Variants in TRPC5 observed in about 807,000 individuals in gnomAD.
TRPC5 encodes short transient receptor potential channel 5.
A neutral mutation model predicts 56.5 loss-of-function variants in TRPC5; 9 were observed. The ratio of observed to expected loss-of-function variants is 0.16; its 90% CI spans 0.10 to 0.28. The LOEUF is 0.28. Among genes scored for constraint, TRPC5 ranks in the 10% least tolerant of loss-of-function variants. The probability of loss-of-function intolerance (pLI) is 1.00; values close to 1 mark genes in which losing one functional copy is unlikely to be tolerated. For synonymous variants in TRPC5, 282 were observed against 278.5 expected (o/e 1.01, Z -0.13); for missense variants, 469 against 748.9 (o/e 0.63, Z 4.36).
intron 7 of TRPC5, among the ~76,000 whole-genome samples, chrX:111,803,348 C>T (rs1294288065): frequency 8.9e-6 from 1 of 112,507 alleles, no homozygotes; most frequent in African/African-American, 3.2e-5. Context: ...TAGCATGATT[C>T]ATAATCCTTT....
chrX:112,070,564 C>A (rs1254760703), intron 1 of TRPC5, among the ~76,000 whole-genome samples: 1 of 111,207 alleles, frequency 9.0e-6, no homozygotes, highest in South Asian at 3.8e-4. Flanking sequence ...ATATTTGCAT[C>A]CAACTCGATT....
At chrX:111,835,318 T>C (rs1237398174) in intron 6 of TRPC5, among the ~76,000 whole-genome samples, 1 of 112,483 alleles carries the variant, frequency 8.9e-6, no homozygotes, top group African/African-American at 3.2e-5. Context: ...CTATGTCTTA[T>C]GCTTTGCTTT....
chrX:111,831,141 T>C (rs894663699), intron 7 of TRPC5, among the ~76,000 whole-genome samples: 3 of 112,592 alleles, frequency 2.7e-5, no homozygotes, highest in Non-Finnish European at 5.6e-5. Context: ...TTCTAGCAGC[T>C]GTTCCAAATG....
chrX:111,801,474 T>C (rs775702753), intron 7 of TRPC5, among the ~76,000 whole-genome samples: 3 of 112,087 alleles, frequency 2.7e-5, no homozygotes, highest in Admixed American at 9.5e-5. Flanking sequence ...CCCTATTGTT[T>C]CCCAAAGTGG....
intron 2 of TRPC5, among the ~76,000 whole-genome samples, chrX:111,931,610 G>A (rs1322335822): frequency 4.5e-5 from 5 of 112,278 alleles, no homozygotes; most frequent in Non-Finnish European, 7.5e-5. Context: ...GGTGGTTTGA[G>A]TACAAGGCTG....
rs764775648 is a variant in TRPC5, at chrX:112,050,044, T to C, written c.-22+31835A>G. Among the ~76,000 whole-genome samples the C allele has an allele frequency of 5.0e-3, 559 of 111,597 alleles. 3 individuals are homozygous for C. The highest frequency in any genetic ancestry group is 8.7e-3 in the Non-Finnish European group (463 of 53,042). ...TACAAAAATTAGCTGGGCGTGGTGG[T>C]GCGTGCCTGTAATCCCAGCTACTCA... On this transcript the variant is annotated intron_variant, in intron 1 of 10. Coordinates refer to ENST00000262839, the MANE Select transcript of TRPC5 (RefSeq NM_012471.3).
At chrX:111,969,346 A>C (rs750593749) in intron 1 of TRPC5, among the ~76,000 whole-genome samples, 1 of 112,371 alleles carries the variant, frequency 8.9e-6, no homozygotes, top group African/African-American at 3.2e-5. Flanking sequence ...GACTTGCAAC[A>C]TTCACTTTAT....
At chrX:112,040,443 A>T (rs1045047107) in intron 1 of TRPC5, among the ~76,000 whole-genome samples, 12 of 111,965 alleles carry the variant, frequency 1.1e-4, no homozygotes, top group Non-Finnish European at 1.1e-4. Flanking sequence ...GCTTGTTAAG[A>T]TCATACACTT....
chrX:112,041,844 C>A (rs907043616), intron 1 of TRPC5, among the ~76,000 whole-genome samples: 6 of 111,629 alleles, frequency 5.4e-5, no homozygotes, highest in Non-Finnish European at 1.1e-4. Context: ...TTGCTTATAG[C>A]TCTGTAGTAG....
intron 4 of TRPC5, among the ~76,000 whole-genome samples, chrX:111,853,390 G>A (rs780239070): frequency 1.8e-5 from 2 of 111,800 alleles, no homozygotes; most frequent in Non-Finnish European, 3.8e-5. Flanking sequence ...CATGAGAAAT[G>A]AGCAGATTCA....
At chrX:111,815,521 G>A (rs760333386) in intron 7 of TRPC5, among the ~76,000 whole-genome samples, 4 of 110,944 alleles carry the variant, frequency 3.6e-5, no homozygotes, top group African/African-American at 1.3e-4. Flanking sequence ...TTGAGTCAGA[G>A]TTTCACCTGA....
rs1197330153 is a variant in TRPC5 at position 111,776,608 on chromosome X, C to T, written c.2627G>A (p.Cys876Tyr). 27 of 1,210,328 alleles carry T rather than the reference C, an allele frequency of 2.2e-5. No individual in the cohort carries two copies. Among genetic ancestry groups the T allele is most frequent in the Non-Finnish European group, 2.8e-5 (25 of 895,388 alleles). ...AGAATATCTGATGTCCTGCCACATA[C>T]AGTGCTGCTGAACAATTCCATCAGA... is the stretch of plus-strand genomic sequence containing the variant. ...TISDGIVQQHCMWQDIRYSQM... is the reference protein window; with the variant it reads ...TISDGIVQQHYMWQDIRYSQM... The change falls in exon 11 of 11, where the codon TGT becomes TAT. Residue 876 changes from cysteine to tyrosine, a missense_variant. Cys to Tyr is a radical substitution (Grantham distance 194). Around this residue, in one of 3 missense-constraint regions of TRPC5, gnomAD observed 194 missense variants for 221.8 expected, o/e 0.87. Coordinates refer to ENST00000262839, the MANE Select transcript of TRPC5 (RefSeq NM_012471.3).
In TRPC5 at chrX:111,912,381, G is replaced by A; in HGVS notation, c.810C>T (p.Asn270=). ...GCTCTTCACTGTGGTCATCTCGATG[G>A]TTGAGGATGATCTCCAGTTCCCTGG... The part of the protein sequence containing the change: ...RSSRELEIIL[N]HRDDHSEELD... The change falls in exon 3 of 11, where the codon AAC becomes AAT. Residue 270 remains asparagine (N), a synonymous_variant. Transcript: ENST00000262839. 1 of 1,211,601 alleles carries A rather than the reference G, an allele frequency of 8.3e-7. No homozygotes were observed.
intron 3 of TRPC5, among the ~76,000 whole-genome samples, chrX:111,872,997 C>T (rs781472532): frequency 8.9e-6 from 1 of 112,143 alleles, no homozygotes; most frequent in African/African-American, 3.2e-5. Flanking sequence ...CCAAGCAATC[C>T]CACTACTGGG....
intron 7 of TRPC5, among the ~76,000 whole-genome samples, chrX:111,794,535 G>A (rs1467699561): frequency 8.9e-6 from 1 of 112,039 alleles, no homozygotes; most frequent in Non-Finnish European, 1.9e-5. Flanking sequence ...TTATAACTAA[G>A]TATTTCATTT....
At position 111,888,722 on chromosome X, in the gene TRPC5, A is replaced by AG. The variant is rs1339579597; in HGVS notation, c.900+23568_900+23569insC. On this transcript the variant is annotated intron_variant, in intron 3 of 10. Transcript: ENST00000262839. The stretch of plus-strand genomic sequence containing the variant: ...AAAAAAAAAAAAAAAAAAAAAAAGA[A>AG]AGAAAAGAAAAGAAAAGAGACTGTA... Among the ~76,000 whole-genome samples, 84 of 98,429 alleles carry AG rather than the reference A, an allele frequency of 8.5e-4. 5 individuals are homozygous for AG. Among genetic ancestry groups the AG allele is most frequent in the African/African-American group, 3.4e-3 (79 of 23,019 alleles). The allele number at this position is 98,429 out of a possible 115,157, so 85.5% of individuals were successfully genotyped here.
At chrX:112,042,579 ACCT>A (rs1929920644) in intron 1 of TRPC5, among the ~76,000 whole-genome samples, 1 of 110,845 alleles carries the variant, frequency 9.0e-6, no homozygotes, top group Non-Finnish European at 1.9e-5. Flanking sequence ...TTTGTAGCTT[ACCT>A]CCTCAAGGTC....
chrX:111,979,248 G>T (rs1038480985), intron 1 of TRPC5, among the ~76,000 whole-genome samples: 2 of 111,331 alleles, frequency 1.8e-5, no homozygotes, highest in Non-Finnish European at 1.9e-5. Flanking sequence ...AACAAAAGGT[G>T]CTGGAACAAT....
intron 1 of TRPC5, among the ~76,000 whole-genome samples, chrX:112,048,399 CAAAAAAAA>C (rs58537492): frequency 1.4e-4 from 3 of 21,480 alleles, no homozygotes; most frequent in African/African-American, 3.1e-4. Context: ...GACTCCGTAT[CAAAAAAAA>C]AAAAAAAAAA....
Sources: gnomAD v4.1 joint callset for allele counts (sites outside exome capture counted in the v4.1 genomes callset) on GRCh38, gnomAD v4.1.1 for gene constraint, gnomAD v4.1.1 regional missense constraint, MANE v1.5 for transcripts, NCBI Gene and HGNC (gene_info 2026-07-23, HGNC 2026-07-21) for gene names.